PREX2: variants seen among roughly 807,000 people sequenced by gnomAD.
The protein encoded by PREX2 is phosphatidylinositol 3,4,5-trisphosphate-dependent Rac exchanger 2 protein.
A neutral mutation model predicts 203.2 loss-of-function variants in PREX2; 107 were observed. The ratio of observed to expected loss-of-function variants is 0.53; its 90% confidence interval spans 0.45 to 0.62. The LOEUF is 0.62. PREX2 is among the 20% of genes least tolerant of loss of function. The pLI, the probability that PREX2 is intolerant of heterozygous loss-of-function variation, is 0.00. For synonymous variants in PREX2, 672 were observed against 663.6 expected, an observed-to-expected ratio of 1.01 and a Z score of -0.19; for missense variants, 1,777 against 1,955.9, an observed-to-expected ratio of 0.91 and a Z score of 1.72.
At chr8:68,108,078 A>G (rs1277871096) in intron 23 of PREX2, 31 bp from the exon 24 acceptor site, 1 of 1,506,900 alleles carries the variant, frequency 6.6e-7, no homozygotes, top group South Asian at 1.2e-5. Context: ...CTGTGTGTTC[A>G]ACTGCTTTTT....
rs1461502901 is a variant in PREX2, at chr8:68,077,511, C to T, written c.1642+42C>T. 4 of 1,412,334 alleles carry T rather than the reference C, an allele frequency of 2.8e-6. No homozygotes were observed. The African/African-American group carries it at 4.2e-5, about 15-fold the overall frequency. 87.5% of individuals were successfully genotyped at this position (1,412,334 alleles called of 1,614,324 possible). Reference sequence around the variant, plus strand: ...CTGGGAGCTTACAGATGTATTTCATCACGTTGGTTCTTAGGATACTGCAAC... The same window carrying T: ...CTGGGAGCTTACAGATGTATTTCATTACGTTGGTTCTTAGGATACTGCAAC... On this transcript the variant is annotated intron_variant, in intron 15 of 39. Transcript: ENST00000288368.
chr8:68,014,250 GATA>G lies in PREX2; in HGVS notation c.142-3592_142-3590del, dbSNP rs908456661. Among the ~76,000 whole-genome samples the G allele has an allele frequency of 3.5e-4, 53 of 152,144 alleles. 1 individual carries two copies. The highest frequency in any genetic ancestry group is 1.3e-3 in the African/African-American group (52 of 41,500). ...TAGCTTTATTAAACTTTAATTAGTG[GATA>G]ATATTTATCATATGCATTTACCAAA... On this transcript the variant is annotated intron_variant, in intron 1 of 39. Coordinates refer to ENST00000288368, the MANE Select transcript of PREX2 (RefSeq NM_024870.4).
intron 25 of PREX2, among the ~76,000 whole-genome samples, chr8:68,115,021 C>CTTTTTTTTTTTTTTTTTTTTTTTTTTTTT (rs5892137): frequency 1.5e-4 from 13 of 86,864 alleles, no homozygotes; most frequent in Admixed American, 3.8e-4. Flanking sequence ...TCTTTTCTTT[C>CTTTTTTTTTTTTTTTTTTTTTTTTTTTTT]TTTTTTTTTT....
At chr8:67,987,412 C>T (rs563754287) in intron 1 of PREX2, among the ~76,000 whole-genome samples, 5 of 152,130 alleles carry the variant, frequency 3.3e-5, no homozygotes, top group South Asian at 2.1e-4. Context: ...CCTCTTCAAT[C>T]GGCTGGATTT....
chr8:68,211,318 T>C (rs1812738491), intron 37 of PREX2, among the ~76,000 whole-genome samples: 1 of 152,242 alleles, frequency 6.6e-6, no homozygotes, highest in Non-Finnish European at 1.5e-5. Context: ...TATAATCTTA[T>C]AACATCATAA....
rs771464180 is a variant in PREX2 at position 68,115,845 on chromosome 8, G to A, written c.3239G>A (p.Arg1080Lys). The change falls in exon 26 of 40, where the codon AGA becomes AAA. Residue 1080 changes from arginine to lysine, a missense_variant. By Grantham distance (26) the Arg-to-Lys change is conservative (BLOSUM62 2). Transcript: ENST00000288368. ...PTDSDNEKGE[R>K]NSKRVCFNVA... The stretch of plus-strand genomic sequence containing the variant: ...GACAGTGACAATGAGAAGGGAGAAA[G>A]AAACAGCAAACGGGTATGTTTTAAT... 4.3e-6 allele frequency: 7 copies of A among 1,613,952 alleles called. No homozygotes were observed. Among genetic ancestry groups the A allele is most frequent in the Non-Finnish European group, 5.9e-6 (7 of 1,179,892 alleles).
intron 37 of PREX2, among the ~76,000 whole-genome samples, chr8:68,198,335 C>A (rs1812439783): frequency 6.6e-6 from 1 of 152,086 alleles, no homozygotes; most frequent in Non-Finnish European, 1.5e-5. Flanking sequence ...TATTTATATA[C>A]CTGCTTTGTA....
intron 1 of PREX2, among the ~76,000 whole-genome samples, chr8:67,987,323 A>G (rs771451344): frequency 6.6e-6 from 1 of 152,150 alleles, no homozygotes; most frequent in Non-Finnish European, 1.5e-5. Flanking sequence ...AAATAAATCA[A>G]TTCAGAACCA....
At chr8:67,990,393 T>G (rs1161246988) in intron 1 of PREX2, among the ~76,000 whole-genome samples, 1 of 148,764 alleles carries the variant, frequency 6.7e-6, no homozygotes, top group Admixed American at 6.6e-5. Context: ...CCATGGGAGA[T>G]TAAAAAAAAA....
At position 68,072,465 on chromosome 8, in the gene PREX2, G is replaced by T. The variant is rs375625348; in HGVS notation, c.1494-30G>T. On this transcript the variant is annotated intron_variant, in intron 13 of 39. Transcript: ENST00000288368. ...CCCTCTTGCTTAATTTTTGTTTTTT[G>T]TTTGTTTGTTTTTATTTTTTCCTTT... 3.0e-6 allele frequency: 4 copies of T among 1,325,224 alleles called. No homozygotes were observed. The Admixed American group carries it at 5.7e-5, about 19-fold the overall frequency. The allele number at this position is 1,325,224 out of a possible 1,614,324, so 82.1% of individuals were successfully genotyped here. A position where few individuals can be genotyped will look rare whatever the true frequency, so the allele number is the denominator to read the frequency against.
intron 37 of PREX2, among the ~76,000 whole-genome samples, chr8:68,205,558 CTATT>C (rs1257474572): frequency 6.6e-6 from 1 of 152,184 alleles, no homozygotes; most frequent in Non-Finnish European, 1.5e-5. Context: ...GGATTGATCA[CTATT>C]TAACAGACTG....
chr8:68,091,107 A>G (rs1809860238), intron 20 of PREX2, among the ~76,000 whole-genome samples: 1 of 152,176 alleles, frequency 6.6e-6, no homozygotes, highest in African/African-American at 2.4e-5. Context: ...TTTATTAGAA[A>G]ACTTCTGTGA....
At chr8:67,992,273 G>A (rs578042348) in intron 1 of PREX2, among the ~76,000 whole-genome samples, 1 of 152,294 alleles carries the variant, frequency 6.6e-6, no homozygotes, top group East Asian at 1.9e-4. Context: ...GATATGGGTA[G>A]TATGATGTCA....
Position 67,992,262 on chromosome 8 carries a change from G to A in PREX2, c.142-25584G>A, listed in dbSNP as rs151286506. 3.3e-3 allele frequency among the ~76,000 whole-genome samples: 504 copies of A among 152,242 alleles called. 2 individuals are homozygous for A. Among genetic ancestry groups the A allele is most frequent in the African/African-American group, 0.012 (485 of 41,542 alleles). ...TCTTGCTATCTCTGTGGTTCTGCAA[G>A]GATATGGGTAGTATGATGTCATAGA... On this transcript the variant is annotated intron_variant, in intron 1 of 39. Transcript: ENST00000288368.
chr8:68,150,452 C>T (rs949804873), intron 34 of PREX2, among the ~76,000 whole-genome samples: 6 of 152,236 alleles, frequency 3.9e-5, no homozygotes, highest in South Asian at 4.1e-4. Context: ...ACCTTCATCC[C>T]GGAGGGGCTT....
At chr8:68,026,613 C>T (rs879168032) in intron 4 of PREX2, among the ~76,000 whole-genome samples, 1 of 151,872 alleles carries the variant, frequency 6.6e-6, no homozygotes, top group Non-Finnish European at 1.5e-5. Context: ...TTTGAGATTT[C>T]CTCATTCATC....
Position 68,109,721 on chromosome 8 carries a change from A to C in PREX2, c.3146+98A>C, listed in dbSNP as rs1011302388. 1.0e-5 allele frequency: 10 copies of C among 989,798 alleles called. No individual in the cohort carries two copies. In the Admixed American group the frequency reaches 2.1e-4, roughly 21 times the overall value. The allele number at this position is 989,798 out of a possible 1,614,324, so 61.3% of individuals were successfully genotyped here. A position where few individuals can be genotyped will look rare whatever the true frequency, so the allele number is the denominator to read the frequency against. ...ATCATTCTCTCTTTAGTTATTGGAA[A>C]TTTAGGAGATTTGTGCTGATTATAT... is the stretch of plus-strand genomic sequence containing the variant. On this transcript the variant is annotated intron_variant, in intron 25 of 39. Transcript: ENST00000288368.
Position 67,973,993 on chromosome 8 carries a change from A to G in PREX2, c.141+21458A>G, listed in dbSNP as rs189757219. The stretch of plus-strand genomic sequence containing the variant: ...TTCCTTCATATATTCTATAGAACCT[A>G]GCATATGTCTATTACATACTAGGTG... On this transcript the variant is annotated intron_variant, in intron 1 of 39. Coordinates refer to ENST00000288368, the MANE Select transcript of PREX2 (RefSeq NM_024870.4). Among the ~76,000 whole-genome samples, 3 of 152,336 alleles carry G rather than the reference A, an allele frequency of 2.0e-5. No individual in the cohort carries two copies. In the East Asian group the frequency reaches 5.8e-4, roughly 29 times the overall value.
intron 19 of PREX2, among the ~76,000 whole-genome samples, chr8:68,088,681 T>G (rs1809775113): frequency 1.3e-5 from 2 of 148,770 alleles, no homozygotes; most frequent in Non-Finnish European, 3.0e-5. Context: ...GCTGTGTTTC[T>G]CTCAGATTTC....
Sources: allele counts gnomAD v4.1 joint callset (sites outside exome capture counted in the v4.1 genomes callset), GRCh38; gene constraint gnomAD v4.1.1; transcripts MANE v1.5; gene names NCBI Gene and HGNC (gene_info 2026-07-23, HGNC 2026-07-21).